CNTN4: variants seen among roughly 807,000 people sequenced by gnomAD.
The protein encoded by CNTN4 is contactin 4.
CNTN4 carries 77 observed loss-of-function variants against 122.5 expected under a neutral mutation model. The ratio of observed to expected loss-of-function variants is 0.63; its 90% CI spans 0.52 to 0.76. CNTN4 has a LOEUF of 0.76. Ranked by LOEUF, CNTN4 falls within the 30% of genes least tolerant of loss-of-function variation. The pLI is 0.00. For missense variants in CNTN4, 1,256 were observed against 1,259.1 expected, an observed-to-expected ratio of 1.00 and a Z score of 0.04; for synonymous variants, 512 against 447.0, an observed-to-expected ratio of 1.15 and a Z score of -1.83.
chr3:3,013,481 C>G (rs1322735976), intron 14 of CNTN4, among the ~76,000 whole-genome samples: 1 of 152,040 alleles, frequency 6.6e-6, no homozygotes, highest in Non-Finnish European at 1.5e-5. Context: ...GAACGGAGTC[C>G]TGCTTATTAC....
At chr3:2,551,370 GT>G (rs1283644282) in intron 3 of CNTN4, among the ~76,000 whole-genome samples, 2 of 151,970 alleles carry the variant, frequency 1.3e-5, no homozygotes, top group Non-Finnish European at 2.9e-5. Flanking sequence ...TGTATATCAT[GT>G]GTGTACTTGA....
chr3:2,870,220 T>G (rs2093769125), intron 8 of CNTN4, among the ~76,000 whole-genome samples: 1 of 152,248 alleles, frequency 6.6e-6, no homozygotes. Context: ...TAGATTTATC[T>G]TGATTTGTCT....
chr3:2,348,930 G>A (rs1389263598), intron 3 of CNTN4, among the ~76,000 whole-genome samples: 1 of 152,152 alleles, frequency 6.6e-6, no homozygotes, highest in Non-Finnish European at 1.5e-5. Flanking sequence ...AAAATCAGCA[G>A]TTGAAACTAT....
intron 23 of CNTN4, among the ~76,000 whole-genome samples, chr3:3,046,495 T>C (rs1233832150): frequency 6.6e-6 from 1 of 152,148 alleles, no homozygotes; most frequent in Non-Finnish European, 1.5e-5. Context: ...AAGAAAAGAA[T>C]TTTCAATCCA....
Position 2,481,540 on chromosome 3 carries a change from C to T in CNTN4, c.-88-89876C>T, listed in dbSNP as rs115721231. Among the ~76,000 whole-genome samples, 1,144 of 152,102 alleles carry T rather than the reference C, an allele frequency of 7.5e-3. 28 individuals are homozygous for T. Among genetic ancestry groups the T allele is most frequent in the African/African-American group, 0.026 (1,075 of 41,462 alleles). ...AATCTAGTCACTGACTTAAACCCCG[C>T]GCAAAAAAATTAACCCAAAATGGAT... On this transcript the variant is annotated intron_variant, in intron 3 of 24. Coordinates refer to ENST00000418658, the MANE Select transcript of CNTN4 (RefSeq NM_175607.3).
intron 2 of CNTN4, among the ~76,000 whole-genome samples, chr3:2,284,402 C>G (rs1010587805): frequency 6.6e-6 from 1 of 152,098 alleles, no homozygotes; most frequent in African/African-American, 2.4e-5. Context: ...TGGCTTTATA[C>G]TGTTTGGCTA....
rs546740831 is a variant in CNTN4, at chr3:2,373,186, T to A, written c.-89+33953T>A. ...TAATCTCAAAGTTTCATCCAGTAAT[T>A]ACAGATTCAGTGATGACTGTTGTTC... is the stretch of plus-strand genomic sequence containing the variant. On this transcript the variant is annotated intron_variant, in intron 3 of 24. Coordinates refer to ENST00000418658, the MANE Select transcript of CNTN4 (RefSeq NM_175607.3). 9.8e-5 allele frequency among the ~76,000 whole-genome samples: 15 copies of A among 152,350 alleles called. No individual in the cohort carries two copies. In the East Asian group the frequency reaches 2.9e-3, roughly 29 times the overall value.
chr3:2,212,951 C>T (rs1314674946), intron 2 of CNTN4, among the ~76,000 whole-genome samples: 1 of 152,128 alleles, frequency 6.6e-6, no homozygotes, highest in Admixed American at 6.6e-5. Flanking sequence ...TCTTTGAGCT[C>T]ATCAGAGCGC....
intron 2 of CNTN4, among the ~76,000 whole-genome samples, chr3:2,291,990 C>T (rs755958806): frequency 6.6e-6 from 1 of 152,180 alleles, no homozygotes; most frequent in Non-Finnish European, 1.5e-5. Context: ...CCCGCCTCAG[C>T]CTCCCAAAGT....
chr3:2,241,095 A>T (rs745345219), intron 2 of CNTN4, among the ~76,000 whole-genome samples: 2 of 152,198 alleles, frequency 1.3e-5, no homozygotes, highest in Admixed American at 1.3e-4. Flanking sequence ...GCAAATCAGT[A>T]TAAACAAATT....
At chr3:2,400,927 A>G (rs891742170) in intron 3 of CNTN4, among the ~76,000 whole-genome samples, 1 of 149,538 alleles carries the variant, frequency 6.7e-6, no homozygotes, top group Non-Finnish European at 1.5e-5. Flanking sequence ...GGGGAACATC[A>G]TAATAGTTTT....
intron 13 of CNTN4, among the ~76,000 whole-genome samples, chr3:2,965,091 A>G (rs1254810437): frequency 5.9e-5 from 9 of 152,202 alleles, no homozygotes; most frequent in Admixed American, 5.9e-4. Context: ...ATGAAATTAT[A>G]GAATTAAGGC....
At chr3:2,433,331 C>T (rs1267522540) in intron 3 of CNTN4, among the ~76,000 whole-genome samples, 1 of 152,200 alleles carries the variant, frequency 6.6e-6, no homozygotes, top group East Asian at 1.9e-4. Context: ...ATTGTTCTAA[C>T]AGATATCAGG....
At chr3:2,118,284 C>T (rs1263814210) in intron 2 of CNTN4, among the ~76,000 whole-genome samples, 2 of 152,166 alleles carry the variant, frequency 1.3e-5, no homozygotes, top group African/African-American at 4.8e-5. Flanking sequence ...CCCAGGTATA[C>T]CTGATTGTGA....
At chr3:2,453,637 T>G (rs980593829) in intron 3 of CNTN4, among the ~76,000 whole-genome samples, 1 of 152,142 alleles carries the variant, frequency 6.6e-6, no homozygotes, top group East Asian at 1.9e-4. Flanking sequence ...TTTAACTATG[T>G]GCTGTTAAGA....
intron 13 of CNTN4, among the ~76,000 whole-genome samples, chr3:2,935,641 C>A (rs1012175784): frequency 2.0e-5 from 3 of 152,024 alleles, no homozygotes; most frequent in African/African-American, 7.2e-5. Context: ...ACATGTGTCA[C>A]GGAAAAGGGA....
chr3:2,606,201 A>G (rs1026906715), intron 4 of CNTN4, among the ~76,000 whole-genome samples: 1 of 152,182 alleles, frequency 6.6e-6, no homozygotes, highest in Non-Finnish European at 1.5e-5. Flanking sequence ...TGGGCTTGGC[A>G]GGACAGGGAA....
At chr3:2,656,695 T>C (rs557641345) in intron 4 of CNTN4, among the ~76,000 whole-genome samples, 2 of 152,352 alleles carry the variant, frequency 1.3e-5, no homozygotes, top group African/African-American at 4.8e-5. Flanking sequence ...TTTCTGAATG[T>C]GTATGCAGTA....
intron 14 of CNTN4, among the ~76,000 whole-genome samples, chr3:3,001,127 G>A (rs751342868): frequency 3.9e-5 from 6 of 152,288 alleles, no homozygotes; most frequent in Non-Finnish European, 7.4e-5. Context: ...CAGTTGGGCA[G>A]ATGAAAATCA....
Sources: gnomAD v4.1 joint callset for allele counts (sites outside exome capture counted in the v4.1 genomes callset) on GRCh38, gnomAD v4.1.1 for gene constraint, MANE v1.5 for transcripts, NCBI Gene and HGNC (gene_info 2026-07-23, HGNC 2026-07-21) for gene names.